The following PCDH11X variants were observed in gnomAD, a reference collection of about 807,000 sequenced individuals.
PCDH11X encodes protocadherin-11 X-linked.
PCDH11X carries 18 observed loss-of-function variants against 53.3 expected under a neutral mutation model. The ratio of observed to expected loss-of-function variants is 0.34; its 90% CI spans 0.23 to 0.50. The LOEUF (loss-of-function observed/expected upper bound fraction) is 0.50. Ranked by LOEUF, PCDH11X falls within the 20% of genes least tolerant of loss-of-function variation. The pLI, the probability that PCDH11X is intolerant of heterozygous loss-of-function variation, is 0.98. For missense variants in PCDH11X, 570 were observed against 1,032.4 expected, an observed-to-expected ratio of 0.55 and a Z score of 6.14; for synonymous variants, 279 against 393.3, an observed-to-expected ratio of 0.71 and a Z score of 3.44.
intron 6 of PCDH11X, among the ~76,000 whole-genome samples, chrX:91,943,646 G>C (rs1183732241): frequency 1.0e-5 from 1 of 99,133 alleles, no homozygotes; most frequent in Non-Finnish European, 2.1e-5. Context: ...CATAATAATG[G>C]TGAAAAACAG....
chrX:92,134,555 G>A (rs189002178), intron 6 of PCDH11X, among the ~76,000 whole-genome samples: 85 of 111,519 alleles, frequency 7.6e-4, no homozygotes, highest in African/African-American at 2.7e-3. Flanking sequence ...GACCTCAAAA[G>A]AGGATTCTTG....
At chrX:92,002,895 T>C (rs924308043) in intron 6 of PCDH11X, among the ~76,000 whole-genome samples, 1 of 105,290 alleles carries the variant, frequency 9.5e-6, no homozygotes, top group Non-Finnish European at 1.9e-5. Context: ...TTCTTATGGC[T>C]CATTGCTCCA....
At chrX:91,913,176 G>A (rs745853603) in intron 6 of PCDH11X, among the ~76,000 whole-genome samples, 1 of 111,098 alleles carries the variant, frequency 9.0e-6, no homozygotes, top group Admixed American at 9.6e-5. Flanking sequence ...ATTGGTAGTG[G>A]TTTTGGCTGG....
chrX:92,465,944 T>C (rs1284820773), intron 9 of PCDH11X, among the ~76,000 whole-genome samples: 2 of 111,278 alleles, frequency 1.8e-5, no homozygotes, highest in Admixed American at 9.6e-5. Flanking sequence ...TAAGAATTTA[T>C]GCAAACATAA....
At chrX:92,187,805 C>G (rs901439992) in intron 6 of PCDH11X, among the ~76,000 whole-genome samples, 1 of 111,907 alleles carries the variant, frequency 8.9e-6, no homozygotes, top group African/African-American at 3.2e-5. Flanking sequence ...CTTTTATTTG[C>G]TCTAAACCTT....
At chrX:92,482,215 C>T (rs2073523690) in intron 10 of PCDH11X, among the ~76,000 whole-genome samples, 1 of 111,657 alleles carries the variant, frequency 9.0e-6, no homozygotes, top group African/African-American at 3.3e-5. Flanking sequence ...TAGCACTGCC[C>T]CTTAGACATC....
chrX:92,105,568 T>C (rs1465592360), intron 6 of PCDH11X, among the ~76,000 whole-genome samples: 1 of 108,129 alleles, frequency 9.2e-6, no homozygotes. Context: ...GGGGCCGTTT[T>C]ATAAGATTTG....
chrX:91,901,008 G>A (rs1355403045), intron 6 of PCDH11X, among the ~76,000 whole-genome samples: 4 of 111,174 alleles, frequency 3.6e-5, no homozygotes, highest in Non-Finnish European at 7.5e-5. Flanking sequence ...CGGGGCCTCA[G>A]GAAGTGAATG....
chrX:92,197,941 A>T (rs191415165), intron 6 of PCDH11X, among the ~76,000 whole-genome samples: 121 of 112,032 alleles, frequency 1.1e-3, no homozygotes, highest in African/African-American at 3.7e-3. Flanking sequence ...GCATCTCTGG[A>T]TTCTTTTTTT....
At chrX:91,800,714 C>T (rs1303430038) in intron 1 of PCDH11X, among the ~76,000 whole-genome samples, 1 of 111,055 alleles carries the variant, frequency 9.0e-6, no homozygotes, top group Admixed American at 9.7e-5. Context: ...CTTTCTACTG[C>T]TATCATTGAC....
At chrX:92,129,699 C>G (rs112003216) in intron 6 of PCDH11X, among the ~76,000 whole-genome samples, 125 of 111,246 alleles carry the variant, frequency 1.1e-3, no homozygotes, top group Non-Finnish European at 1.9e-3. Flanking sequence ...TTCTCAGATT[C>G]CTGTAGGCAT....
intron 6 of PCDH11X, among the ~76,000 whole-genome samples, chrX:91,990,176 G>A (rs2062298085): frequency 9.1e-6 from 1 of 110,080 alleles, no homozygotes; most frequent in South Asian, 3.9e-4. Flanking sequence ...AATCCATTAT[G>A]ATTATACAGT....
At chrX:92,115,224 C>A (rs1286835298) in intron 6 of PCDH11X, among the ~76,000 whole-genome samples, 1 of 110,711 alleles carries the variant, frequency 9.0e-6, no homozygotes, top group Non-Finnish European at 1.9e-5. Context: ...CTTACCACTA[C>A]TTTATATTGC....
chrX:91,920,742 A>T (rs1197598894), intron 6 of PCDH11X, among the ~76,000 whole-genome samples: 3 of 110,676 alleles, frequency 2.7e-5, no homozygotes, highest in Non-Finnish European at 5.7e-5. Flanking sequence ...TTAGAAAAAA[A>T]TCCCTCTATT....
chrX:92,357,053 G>A (rs1457040528), intron 8 of PCDH11X, among the ~76,000 whole-genome samples: 2 of 110,640 alleles, frequency 1.8e-5, no homozygotes, highest in East Asian at 5.7e-4. Flanking sequence ...AAAAATTCAC[G>A]TCTATTCTCA....
intron 8 of PCDH11X, among the ~76,000 whole-genome samples, chrX:92,333,686 AT>A (rs2069546469): frequency 9.0e-6 from 1 of 111,154 alleles, no homozygotes; most frequent in Non-Finnish European, 1.9e-5. Context: ...AATTTGCCTA[AT>A]TTGGTTTATA....
Position 92,205,771 on chromosome X carries a change from T to C in PCDH11X, c.3114+4316T>C, listed in dbSNP as rs141302445. Among the ~76,000 whole-genome samples, 809 of 110,225 alleles carry C rather than the reference T, an allele frequency of 7.3e-3. 8 individuals carry two copies. Among genetic ancestry groups the C allele is most frequent in the African/African-American group, 0.026 (773 of 30,255 alleles). On this transcript the variant is annotated intron_variant, in intron 7 of 10. Transcript: ENST00000682573. The stretch of plus-strand genomic sequence containing the variant: ...GCCTGCCACCATGTCCAGCTAATCA[T>C]TGTATTTTTAGTAGCGACGGTGTTT...
chrX:92,375,020 A>C (rs1322770023), intron 8 of PCDH11X, among the ~76,000 whole-genome samples: 3 of 104,434 alleles, frequency 2.9e-5, no homozygotes, highest in Admixed American at 1.1e-4. Context: ...TTGGCAAGGC[A>C]AAATTTTTAA....
chrX:92,527,093 G>T (rs1476731517), intron 10 of PCDH11X, among the ~76,000 whole-genome samples: 1 of 111,547 alleles, frequency 9.0e-6, no homozygotes, highest in Non-Finnish European at 1.9e-5. Context: ...AACGTAGAAA[G>T]TTGAAGGATG....
Sources: gnomAD v4.1 joint callset for allele counts (sites outside exome capture counted in the v4.1 genomes callset) on GRCh38, gnomAD v4.1.1 for gene constraint, MANE v1.5 for transcripts, NCBI Gene and HGNC (gene_info 2026-07-23, HGNC 2026-07-21) for gene names.